The following AK9 variants were observed in gnomAD, a reference collection of about 807,000 sequenced individuals.
AK9 encodes the protein adenylate kinase 9, also known as adenylate kinase domain containing 1.
A neutral mutation model predicts 239.6 loss-of-function variants in AK9; 191 were observed. The observed-to-expected ratio is 0.80, with a 90% CI of 0.71 to 0.90. AK9 has a LOEUF of 0.90. Among genes scored for constraint, AK9 ranks in the 40% least tolerant of loss-of-function variants. The pLI is 0.00. For missense variants in AK9, 1,995 were observed against 2,214.7 expected, an observed-to-expected ratio of 0.90 and a Z score of 1.99; for synonymous variants, 689 against 721.0, an observed-to-expected ratio of 0.96 and a Z score of 0.71.
intron 17 of AK9, among the ~76,000 whole-genome samples, chr6:109,599,965 A>T (rs1791673536): frequency 6.6e-6 from 1 of 152,232 alleles, no homozygotes; most frequent in South Asian, 2.1e-4. Context: ...TATCAGCTTA[A>T]GGAGATTTTG....
At chr6:109,580,611 ATT>A (rs1050011313) in intron 19 of AK9, among the ~76,000 whole-genome samples, 4 of 152,040 alleles carry the variant, frequency 2.6e-5, no homozygotes, top group African/African-American at 9.7e-5. Flanking sequence ...CTTTGCATCC[ATT>A]TTCCCTTCTT....
chr6:109,649,803 C>G (rs1012200125), intron 8 of AK9, among the ~76,000 whole-genome samples: 1 of 152,178 alleles, frequency 6.6e-6, no homozygotes, highest in Non-Finnish European at 1.5e-5. Context: ...AAGAACAAAG[C>G]TGGAGGCATC....
chr6:109,599,381 T>C (rs1366729512), intron 17 of AK9, among the ~76,000 whole-genome samples: 1 of 152,158 alleles, frequency 6.6e-6, no homozygotes. Context: ...GATCAGATAG[T>C]TGTAGATGTG....
chr6:109,661,638 T>C (rs1373353052), intron 6 of AK9, among the ~76,000 whole-genome samples: 5 of 152,196 alleles, frequency 3.3e-5, no homozygotes, highest in East Asian at 1.9e-4. Flanking sequence ...CCATGAGTGG[T>C]GGCTGGGGCT....
At chr6:109,581,013 T>A (rs988996774) in intron 19 of AK9, among the ~76,000 whole-genome samples, 2 of 152,168 alleles carry the variant, frequency 1.3e-5, no homozygotes, top group African/African-American at 4.8e-5. Context: ...GTCAGTGATC[T>A]GTGATCAATG....
intron 8 of AK9, among the ~76,000 whole-genome samples, chr6:109,650,552 A>G (rs1226561026): frequency 6.6e-6 from 1 of 152,066 alleles, no homozygotes; most frequent in African/African-American, 2.4e-5. Context: ...CACCAGTTAG[A>G]ATGGCGATCA....
At chr6:109,590,939 G>T (rs1790148194) in intron 17 of AK9, among the ~76,000 whole-genome samples, 2 of 151,986 alleles carry the variant, frequency 1.3e-5, no homozygotes, top group Non-Finnish European at 2.9e-5. Flanking sequence ...TTGTGGCCTT[G>T]CATATGGTCA....
chr6:109,516,412 CAAAGGA>C lies in AK9; in HGVS notation c.3846+12_3846+17del. The C allele has an allele frequency of 6.5e-7, 1 of 1,535,658 alleles. No homozygotes were observed. Among genetic ancestry groups the C allele is most frequent in the South Asian group, 1.2e-5 (1 of 83,316 alleles). On this transcript the variant is annotated intron_variant, in intron 30 of 40. Coordinates refer to ENST00000424296, the MANE Select transcript of AK9 (RefSeq NM_001145128.3). ...AATATTACTTTTGAATTATAAAAAGCAAAGGAAAAGTAATAACCTGTATTATTTGTA... is the reference window on the plus strand; with the variant it reads ...AATATTACTTTTGAATTATAAAAAGCAAAGTAATAACCTGTATTATTTGTA...
At chr6:109,684,821 C>A (rs1773237638) in intron 1 of AK9, among the ~76,000 whole-genome samples, 1 of 118,830 alleles carries the variant, frequency 8.4e-6, no homozygotes, top group African/African-American at 3.4e-5. Context: ...TTGCAGTGAG[C>A]CGAGATCCCG....
chr6:109,498,366 A>G (rs1001845947), intron 36 of AK9, among the ~76,000 whole-genome samples: 8 of 152,182 alleles, frequency 5.3e-5, no homozygotes, highest in Non-Finnish European at 1.0e-4. Flanking sequence ...GGCCAGATAC[A>G]TGGCCTTTAA....
At chr6:109,572,565 G>A (rs1222591315) in intron 21 of AK9, among the ~76,000 whole-genome samples, 2 of 152,244 alleles carry the variant, frequency 1.3e-5, no homozygotes, top group Non-Finnish European at 2.9e-5. Flanking sequence ...CCAGCCTGGG[G>A]CTCTTAGATA....
chr6:109,640,677 A>G (rs1797308640), intron 10 of AK9, among the ~76,000 whole-genome samples: 2 of 151,882 alleles, frequency 1.3e-5, no homozygotes, highest in South Asian at 4.2e-4. Flanking sequence ...TCAGCCTTCC[A>G]AAGTGCTGGG....
chr6:109,534,424 A>G (rs1781698041), intron 27 of AK9, among the ~76,000 whole-genome samples: 2 of 150,054 alleles, frequency 1.3e-5, no homozygotes, highest in African/African-American at 2.4e-5. Context: ...TCTCCTGCTT[A>G]TCTGAAATTT....
intron 17 of AK9, among the ~76,000 whole-genome samples, chr6:109,592,805 C>A (rs370537110): frequency 2.0e-4 from 31 of 151,798 alleles, no homozygotes; most frequent in African/African-American, 7.0e-4. Flanking sequence ...ATTTTTTTCC[C>A]TTCACATTGA....
At chr6:109,675,519 G>T in intron 2 of AK9, 110 bp downstream of exon 2, 1 of 646,324 alleles carries the variant, frequency 1.5e-6, no homozygotes, top group Non-Finnish European at 2.5e-6. Flanking sequence ...AAGCTTATCA[G>T]ACACTCAAAA....
chr6:109,573,340 C>T, intron 21 of AK9, 102 bp downstream of exon 21: 1 of 1,261,940 alleles, frequency 7.9e-7, no homozygotes, highest in Non-Finnish European at 1.0e-6. Flanking sequence ...TCTCCATTCT[C>T]AGCCAGCTTC....
intron 27 of AK9, among the ~76,000 whole-genome samples, chr6:109,535,761 C>A (rs1156422029): frequency 6.6e-6 from 1 of 152,154 alleles, no homozygotes; most frequent in East Asian, 1.9e-4. Context: ...AGTCTTTAAT[C>A]CATCTTGAAT....
At chr6:109,617,936 A>G (rs772050230) in intron 13 of AK9, among the ~76,000 whole-genome samples, 4 of 152,180 alleles carry the variant, frequency 2.6e-5, no homozygotes, top group Non-Finnish European at 4.4e-5. Context: ...TTCTTCAACC[A>G]CTAGAATTGG....
chr6:109,671,109 T>C (rs1770820308), intron 5 of AK9, among the ~76,000 whole-genome samples: 2 of 152,232 alleles, frequency 1.3e-5, no homozygotes, highest in South Asian at 2.1e-4. Context: ...AAATACAGTT[T>C]GACAAGGCTG....
Sources: gnomAD v4.1 joint callset for allele counts (sites outside exome capture counted in the v4.1 genomes callset) on GRCh38, gnomAD v4.1.1 for gene constraint, MANE v1.5 for transcripts, NCBI Gene and HGNC (gene_info 2026-07-23, HGNC 2026-07-21) for gene names.